The following TEDC2 variants were observed in gnomAD, a reference collection of about 807,000 sequenced individuals.
TEDC2 encodes tubulin epsilon and delta complex 2.
TEDC2 carries 49 observed loss-of-function variants against 48.1 expected under a neutral mutation model. The ratio of observed to expected loss-of-function variants is 1.02; its 90% CI spans 0.81 to 1.29. The LOEUF is 1.29. Ranked by LOEUF, TEDC2 falls within the 50% of genes most tolerant of loss-of-function variation. TEDC2 has a pLI of 0.00. For missense variants in TEDC2, 631 were observed against 571.4 expected (o/e 1.10, Z -1.06); for synonymous variants, 299 against 247.1 (o/e 1.21, Z -1.97).
intron 9 of TEDC2, 101 bp downstream of exon 9, chr16:2,464,330 G>C (rs2065486738): frequency 6.9e-7 from 1 of 1,452,528 alleles, no homozygotes; most frequent in Admixed American, 2.0e-5. Context: ...CCAGGAGGAT[G>C]GGGGCAAGCC....
Position 2,462,240 on chromosome 16 carries a change from G to A in TEDC2, c.750+1G>A. On this transcript the variant is annotated splice_donor_variant, in intron 6 of 9. Transcript: ENST00000361837. LOFTEE classifies it high-confidence loss of function. The stretch of plus-strand genomic sequence containing the variant: ...GTTCCTCCAGAACATGCAGACAGCT[G>A]TATCCTTGCTGGGCTTGTGGGAGCC... 6.2e-7 allele frequency: 1 copy of A among 1,613,120 alleles called. No individual in the cohort carries two copies. The highest frequency in any genetic ancestry group is 8.5e-7 in the Non-Finnish European group (1 of 1,179,994).
Position 2,461,202 on chromosome 16 carries a change from G to T in TEDC2, c.583G>T (p.Ala195Ser). Residue 195 changes from alanine (A) to serine (S), a missense_variant, in exon 4 of 10, where the codon GCC (alanine) becomes TCC (serine). By Grantham distance (99) the Ala-to-Ser change is moderately conservative. Transcript: ENST00000361837. ...APSAAPQAPE[A>S]FTLKEKGHLL... ...ATCCGCTGCTCCTCAGGCCCCAGAA[G>T]CCTTCACACTCAAGGAGAAGGGGTA... 1 of 1,491,272 alleles carries T rather than the reference G, an allele frequency of 6.7e-7. No individual in the cohort carries two copies. 92.4% of individuals were successfully genotyped at this position (1,491,272 alleles called of 1,614,324 possible). A position where few individuals can be genotyped will look rare whatever the true frequency, so the allele number is the denominator to read the frequency against.
Position 2,460,683 on chromosome 16 carries a change from C to T in TEDC2, c.186C>T (p.Asp62=), listed in dbSNP as rs373363264. 5.6e-6 allele frequency: 9 copies of T among 1,612,964 alleles called. No homozygotes were observed. Among genetic ancestry groups the T allele is most frequent in the South Asian group, 2.2e-5 (2 of 91,082 alleles). ...PPPGPETNGE[D]PLPACTPSPQ... ...CAGGGCCAGAAACTAATGGAGAGGACCCCCTTCCAGGTAAACCTCCACCAC... is the reference window on the plus strand; with the variant it reads ...CAGGGCCAGAAACTAATGGAGAGGATCCCCTTCCAGGTAAACCTCCACCAC... The change falls in exon 3 of 10, where the codon GAC becomes GAT. Residue 62 remains aspartate, a synonymous_variant. Transcript: ENST00000361837.
chr16:2,460,700 C>G lies in TEDC2; in HGVS notation c.196+7C>G, dbSNP rs1322317971. ...GGAGAGGACCCCCTTCCAGGTAAAC[C>G]TCCACCACCCGCCTTCTCCAGGTGC... On this transcript the variant is annotated splice_region_variant and intron_variant, in intron 3 of 9. Transcript: ENST00000361837. The G allele has an allele frequency of 3.1e-6, 5 of 1,613,040 alleles. No homozygotes were observed. The highest frequency in any genetic ancestry group is 3.3e-5 in the Admixed American group (2 of 60,020).
At position 2,460,282 on chromosome 16, in the gene TEDC2, G is replaced by T. The variant is rs757404893; in HGVS notation, c.27-1G>T. On this transcript the variant is annotated splice_acceptor_variant, in intron 1 of 9. Transcript: ENST00000361837. LOFTEE classifies it high-confidence loss of function. ...TGCTGAGCCGCCGGTGCGTCCCCCAGGCTGGTGGCCGAGCTGCAGGGCGCC... is the reference window on the plus strand; with the variant it reads ...TGCTGAGCCGCCGGTGCGTCCCCCATGCTGGTGGCCGAGCTGCAGGGCGCC... The T allele has an allele frequency of 6.6e-7, 1 of 1,525,922 alleles. No homozygotes were observed. 94.5% of individuals were successfully genotyped at this position (1,525,922 alleles called of 1,614,324 possible).
chr16:2,460,782 G>A (rs767892411), intron 3 of TEDC2, 34 bp from the exon 4 acceptor site: 19 of 1,610,748 alleles, frequency 1.2e-5, no homozygotes, highest in Non-Finnish European at 1.6e-5. Context: ...GGGACAGTGG[G>A]GAGAGATCCC....
chr16:2,460,207 G>C, intron 1 of TEDC2, 37 bp downstream of exon 1: 1 of 1,431,238 alleles, frequency 7.0e-7, no homozygotes, highest in South Asian at 1.5e-5. Flanking sequence ...GGGAGGATGC[G>C]GGCGGGCCGG....
rs1263805386 is a variant in TEDC2 at position 2,460,575 on chromosome 16, G to C, written c.126-48G>C. On this transcript the variant is annotated intron_variant, in intron 2 of 9. Coordinates refer to ENST00000361837, the MANE Select transcript of TEDC2 (RefSeq NM_025108.3). ...CGGCGGCCCCCTCGGGTCTGTTTGG[G>C]CTGGGCCCTGCCTCCTGGCCGTGCG... The C allele has an allele frequency of 3.7e-6, 6 of 1,608,996 alleles. No individual in the cohort carries two copies. The African/African-American group carries it at 4.0e-5, about 11-fold the overall frequency.
Position 2,462,745 on chromosome 16 carries a change from C to T in TEDC2, c.964+13C>T. On this transcript the variant is annotated intron_variant, in intron 8 of 9. Coordinates refer to ENST00000361837, the MANE Select transcript of TEDC2 (RefSeq NM_025108.3). ...GAGCTGCGTGCAGGTGAGACCCCGC[C>T]CCCACCCTGCCACCTGCACTGAGGT... The T allele has an allele frequency of 6.5e-7, 1 of 1,528,296 alleles. No homozygotes were observed. Among genetic ancestry groups the T allele is most frequent in the Non-Finnish European group, 8.8e-7 (1 of 1,139,696 alleles). The allele number at this position is 1,528,296 out of a possible 1,614,324, so 94.7% of individuals were successfully genotyped here.
At chr16:2,462,349 AG>A in intron 6 of TEDC2, 65 bp from the exon 7 acceptor site, 1 of 1,597,930 alleles carries the variant, frequency 6.3e-7, no homozygotes. Flanking sequence ...GCCACTCCCC[AG>A]GCCCCGTTCT....
At chr16:2,462,799 G>A (rs1459684395) in intron 8 of TEDC2, 67 bp downstream of exon 8, 1 of 1,408,652 alleles carries the variant, frequency 7.1e-7, no homozygotes, top group African/African-American at 1.4e-5. Context: ...GCTTTAGCCA[G>A]GCTTGTCTGC....
chr16:2,462,613 TC>T lies in TEDC2; in HGVS notation c.863-15del. Reference sequence around the variant, plus strand: ...AGACTGCCACGGGCCCCACCTGCTCTCCCTGACTCTTCTGCAGCCCCCATGG... The same window carrying T: ...AGACTGCCACGGGCCCCACCTGCTCTCCTGACTCTTCTGCAGCCCCCATGG... On this transcript the variant is annotated splice_polypyrimidine_tract_variant and intron_variant, in intron 7 of 9. Coordinates refer to ENST00000361837, the MANE Select transcript of TEDC2 (RefSeq NM_025108.3). 6.5e-7 allele frequency: 1 copy of T among 1,539,458 alleles called. No individual in the cohort carries two copies. Among genetic ancestry groups the T allele is most frequent in the East Asian group, 2.4e-5 (1 of 41,138 alleles).
chr16:2,460,574 G>T, intron 2 of TEDC2, 49 bp from the exon 3 acceptor site: 1 of 1,609,126 alleles, frequency 6.2e-7, no homozygotes, highest in Non-Finnish European at 8.5e-7. Flanking sequence ...GGTCTGTTTG[G>T]GCTGGGCCCT....
At position 2,460,863 on chromosome 16, in the gene TEDC2, C is replaced by T. The variant is rs771158350; in HGVS notation, c.244C>T (p.Gln82Ter). 6 of 1,613,340 alleles carry T rather than the reference C, an allele frequency of 3.7e-6. No individual in the cohort carries two copies. The highest frequency in any genetic ancestry group is 1.3e-5 in the African/African-American group (1 of 74,922). ...QDLKELEFLT[Q>*]ALEKAVRVRR... ...CCTCAAAGAGTTGGAGTTTCTGACCCAGGCACTGGAGAAGGCTGTACGAGT... is the reference window on the plus strand; with the variant it reads ...CCTCAAAGAGTTGGAGTTTCTGACCTAGGCACTGGAGAAGGCTGTACGAGT... Residue 82 changes from glutamine (Q) to a stop codon, truncating the protein, a stop_gained, in exon 4 of 10, where the codon CAG becomes TAG. Transcript: ENST00000361837. LOFTEE classifies it high-confidence loss of function.
In TEDC2 at chr16:2,461,805, G is replaced by A; in HGVS notation, c.659+5G>A. On this transcript the variant is annotated splice_donor_5th_base_variant and intron_variant, in intron 5 of 9. Transcript: ENST00000361837. The stretch of plus-strand genomic sequence containing the variant: ...AGCAGCTTCCCAGAACTCGAGGTGA[G>A]GCTGAGGTCTTTGGCTGGACGGGGG... 1 of 1,613,518 alleles carries A rather than the reference G, an allele frequency of 6.2e-7. No individual in the cohort carries two copies. The highest frequency in any genetic ancestry group is 8.5e-7 in the Non-Finnish European group (1 of 1,180,002).
chr16:2,460,463 G>C, intron 2 of TEDC2, 82 bp downstream of exon 2: 6 of 1,511,688 alleles, frequency 4.0e-6, no homozygotes, highest in Non-Finnish European at 4.4e-6. Flanking sequence ...TGGGAGACCG[G>C]GCGCAGCCGC....
rs912786275 is a variant in TEDC2, at chr16:2,464,318, A to C, written c.1155+89A>C. The C allele has an allele frequency of 7.4e-6, 11 of 1,481,518 alleles. No homozygotes were observed. The Admixed American group carries it at 2.0e-4, about 27-fold the overall frequency. 91.8% of individuals were successfully genotyped at this position (1,481,518 alleles called of 1,614,324 possible). On this transcript the variant is annotated intron_variant, in intron 9 of 9. Coordinates refer to ENST00000361837, the MANE Select transcript of TEDC2 (RefSeq NM_025108.3). ...GGGCTTGACTGCTCCACCCCCCAGG[A>C]CCCAGGAGGATGGGGGCAAGCCTGG...
chr16:2,464,566 G>A lies in TEDC2; in HGVS notation c.1200G>A (p.Pro400=), dbSNP rs560400790. 24 of 1,604,310 alleles carry A rather than the reference G, an allele frequency of 1.5e-5. No individual in the cohort carries two copies. Among genetic ancestry groups the A allele is most frequent in the South Asian group, 3.3e-5 (3 of 90,696 alleles). The change falls in exon 10 of 10, where the codon CCG becomes CCA. Residue 400 remains proline, a synonymous_variant. Coordinates refer to ENST00000361837, the MANE Select transcript of TEDC2 (RefSeq NM_025108.3). ...TCCCCCTGGTAAGCGCTGCACAGCCGCAGGGGCCGCCCTGGCTGGCCCTGT... is the reference window on the plus strand; with the variant it reads ...TCCCCCTGGTAAGCGCTGCACAGCCACAGGGGCCGCCCTGGCTGGCCCTGT... The part of the protein sequence containing the change: ...ELLPLVSAAQ[P]QGPPWLALCR...
chr16:2,460,455 G>C (rs1213757840), intron 2 of TEDC2, 74 bp downstream of exon 2: 6 of 1,517,130 alleles, frequency 4.0e-6, no homozygotes, highest in Non-Finnish European at 5.3e-6. Context: ...CCCAGGGCTG[G>C]GAGACCGGGC....
Sources: allele counts gnomAD v4.1 joint callset, GRCh38; gene constraint gnomAD v4.1.1; transcripts MANE v1.5; gene names NCBI Gene and HGNC (gene_info 2026-07-23, HGNC 2026-07-21).